Variants in GRIP2 observed in about 807,000 individuals in gnomAD.
GRIP2 encodes glutamate receptor-interacting protein 2.
GRIP2 carries 58 observed loss-of-function variants against 108.3 expected under a neutral mutation model. The ratio of observed to expected loss-of-function variants is 0.54; its 90% confidence interval spans 0.43 to 0.67. The LOEUF is 0.67. Among genes scored for constraint, GRIP2 ranks in the 30% least tolerant of loss-of-function variants. The pLI, the probability that GRIP2 is intolerant of heterozygous loss-of-function variation, is 0.00. For synonymous variants in GRIP2, 586 were observed against 598.2 expected (o/e 0.98, Z 0.30); for missense variants, 1,278 against 1,430.6 (o/e 0.89, Z 1.72).
chr3:14,549,575 A>G (rs1695111342), intron 1 of GRIP2, among the ~76,000 whole-genome samples: 1 of 152,234 alleles, frequency 6.6e-6, no homozygotes, highest in South Asian at 2.1e-4. Context: ...AGATGCCACA[A>G]CATCTGACCA....
chr3:14,602,329 G>C, the GRIP2 span: 3 of 152,022 alleles, frequency 2.0e-5, no homozygotes, highest in Non-Finnish European at 4.4e-5. This position sits in a 1 kb window ranked among gnomAD's most constrained non-coding sequence, Gnocchi z 4.7. Context: ...GGGCAGGCCC[G>C]GGCAGGGGGC....
the GRIP2 span, chr3:14,573,277 G>T: frequency 1.4e-6 from 2 of 1,408,160 alleles, no homozygotes; most frequent in East Asian, 4.6e-5. Flanking sequence ...ACCTCTGCTC[G>T]GTACAGCAGG....
chr3:14,584,567 T>C, the GRIP2 span, among the ~76,000 whole-genome samples: 5 of 152,284 alleles, frequency 3.3e-5, no homozygotes, highest in East Asian at 7.7e-4. Flanking sequence ...TGGAAATCCT[T>C]GTAAAACACG....
At chr3:14,574,552 C>T in the GRIP2 span, 1 of 742,088 alleles carries the variant, frequency 1.3e-6, no homozygotes, top group Non-Finnish European at 2.5e-6. Flanking sequence ...TCCTTGAGTG[C>T]TGCCTCTGAT....
At position 14,489,743 on chromosome 3, in the gene GRIP2, AC is replaced by A. The variant is rs1298926314; in HGVS notation, c.*3921del. On this transcript the variant is annotated 3_prime_UTR_variant, in exon 24 of 24. Coordinates refer to ENST00000621039, the MANE Select transcript of GRIP2 (RefSeq NM_001080423.4). The stretch of plus-strand genomic sequence containing the variant: ...GTGATGCTCTTGGCCTTAGGTGCTC[AC>A]CTGCTGCGGCTTTCAGTCCCTCCTC... 1.3e-5 allele frequency: 2 copies of A among 152,244 alleles called. No individual in the cohort carries two copies. Among genetic ancestry groups the A allele is most frequent in the Non-Finnish European group, 2.9e-5 (2 of 68,090 alleles). The allele number at this position is 152,244 out of a possible 1,614,324, so 9.4% of individuals were successfully genotyped here.
the GRIP2 span, among the ~76,000 whole-genome samples, chr3:14,590,495 G>A: frequency 2.0e-5 from 3 of 151,986 alleles, no homozygotes; most frequent in East Asian, 5.8e-4. Context: ...CATCTGATAA[G>A]GCTGATACCC....
the GRIP2 span, among the ~76,000 whole-genome samples, chr3:14,576,503 G>A: frequency 6.6e-6 from 1 of 152,260 alleles, no homozygotes; most frequent in Non-Finnish European, 1.5e-5. Context: ...AGGCGAGGGT[G>A]AGAGAGGCCT....
At chr3:14,572,959 C>A in the GRIP2 span, 2 of 1,470,378 alleles carry the variant, frequency 1.4e-6, no homozygotes, top group Non-Finnish European at 1.9e-6. Context: ...TAGAAGAGGA[C>A]CACCAGGCCA....
chr3:14,574,849 G>T, the GRIP2 span: 2 of 313,106 alleles, frequency 6.4e-6, no homozygotes, highest in Non-Finnish European at 1.2e-5. Flanking sequence ...CAACAAAACG[G>T]ATGAATATCA....
At chr3:14,532,163 T>G (rs1694724424) in intron 1 of GRIP2, among the ~76,000 whole-genome samples, 1 of 152,238 alleles carries the variant, frequency 6.6e-6, no homozygotes, top group African/African-American at 2.4e-5. Context: ...AAGTGAGACC[T>G]GACCCAGCGG....
the GRIP2 span, among the ~76,000 whole-genome samples, chr3:14,601,148 A>G: frequency 6.6e-6 from 1 of 152,216 alleles, no homozygotes; most frequent in Middle Eastern, 3.4e-3. Flanking sequence ...AGTCCCTCTC[A>G]GGACATTACA....
chr3:14,537,513 T>C (rs1694861486), intron 1 of GRIP2, among the ~76,000 whole-genome samples: 1 of 152,278 alleles, frequency 6.6e-6, no homozygotes, highest in African/African-American at 2.4e-5. Flanking sequence ...ATGTAGTACA[T>C]GCTCAGCAAA....
chr3:14,575,451 G>A, the GRIP2 span, among the ~76,000 whole-genome samples: 1 of 152,202 alleles, frequency 6.6e-6, no homozygotes, highest in Non-Finnish European at 1.5e-5. Flanking sequence ...TCCACCCATT[G>A]CTGGTTTTGA....
chr3:14,516,617 C>A (rs1382971160), intron 11 of GRIP2, among the ~76,000 whole-genome samples: 2 of 152,100 alleles, frequency 1.3e-5, no homozygotes, highest in South Asian at 4.1e-4. Flanking sequence ...ACATTCTGGA[C>A]AGCTAGAGTC....
rs1463292043 is a variant in GRIP2 at position 14,512,427 on chromosome 3, C to G, written c.1720+350G>C. On this transcript the variant is annotated intron_variant, in intron 14 of 23. Transcript: ENST00000621039. This position sits in a 1 kb window ranked among gnomAD's most constrained non-coding sequence, Gnocchi z 5.1. The stretch of plus-strand genomic sequence containing the variant: ...ATTAAGCACCTACTGTGTTCCAGGC[C>G]TTTGCTGGGCTCTGAGAACACAGAA... Among the ~76,000 whole-genome samples, 1 of 152,196 alleles carries G rather than the reference C, an allele frequency of 6.6e-6. No individual in the cohort carries two copies. Among genetic ancestry groups the G allele is most frequent in the Non-Finnish European group, 1.5e-5 (1 of 68,032 alleles).
chr3:14,528,009 T>C (rs1238430959), intron 1 of GRIP2, among the ~76,000 whole-genome samples: 1 of 152,208 alleles, frequency 6.6e-6, no homozygotes, highest in Non-Finnish European at 1.5e-5. Context: ...ACGACCAAGT[T>C]TTAGAACATT....
chr3:14,601,046 G>C, the GRIP2 span, among the ~76,000 whole-genome samples: 1 of 150,014 alleles, frequency 6.7e-6, no homozygotes, highest in Non-Finnish European at 1.5e-5. Context: ...CCATCCACCC[G>C]CCTCACCCAT....
chr3:14,602,363 C>T, the GRIP2 span: 3 of 152,064 alleles, frequency 2.0e-5, no homozygotes, highest in African/African-American at 7.2e-5. The surrounding 1 kb of genome is among the most constrained non-coding windows in gnomAD (Gnocchi z 4.7). Flanking sequence ...AGCCCCCTCC[C>T]TGGCCTCCTC....
At chr3:14,584,782 C>T in the GRIP2 span, among the ~76,000 whole-genome samples, 4 of 152,310 alleles carry the variant, frequency 2.6e-5, no homozygotes, top group Admixed American at 6.5e-5. Context: ...GGATCTGAAT[C>T]TTTTACGAAG....
Sources: allele counts gnomAD v4.1 joint callset (sites outside exome capture counted in the v4.1 genomes callset), GRCh38; gene constraint gnomAD v4.1.1; non-coding constraint Gnocchi (gnomAD v3.1); transcripts MANE v1.5; gene names NCBI Gene and HGNC (gene_info 2026-07-23, HGNC 2026-07-21).